The following NEURL1B variants were observed in gnomAD, a reference collection of about 807,000 sequenced individuals.
NEURL1B encodes E3 ubiquitin-protein ligase NEURL1B.
NEURL1B carries 13 observed loss-of-function variants against 37.4 expected under a neutral mutation model. The observed-to-expected ratio is 0.35, with a 90% CI of 0.23 to 0.55. The LOEUF (loss-of-function observed/expected upper bound fraction) is 0.55. NEURL1B is among the 20% of genes least tolerant of loss of function. The pLI, the probability that NEURL1B is intolerant of heterozygous loss-of-function variation, is 0.89. For synonymous variants in NEURL1B, 432 were observed against 426.6 expected (o/e 1.01, Z -0.16); for missense variants, 790 against 879.2 (o/e 0.90, Z 1.28).
At position 172,687,633 on chromosome 5, in the gene NEURL1B, G is replaced by C. The variant is rs1222058117; in HGVS notation, c.*708G>C. 6.6e-6 allele frequency: 1 copy of C among 152,242 alleles called. No homozygotes were observed. The highest frequency in any genetic ancestry group is 2.4e-5 in the African/African-American group (1 of 41,380). 9.4% of individuals were successfully genotyped at this position (152,242 alleles called of 1,614,324 possible). On this transcript the variant is annotated 3_prime_UTR_variant, in exon 5 of 5. Coordinates refer to ENST00000369800, the MANE Select transcript of NEURL1B (RefSeq NM_001142651.3). ...TAGAGCTGGGTGTGATGGGCACCGA[G>C]GCCAACCCCTCTGGATTGTGTCATC...
At chr5:172,643,281 G>A (rs548799125) in intron 1 of NEURL1B, among the ~76,000 whole-genome samples, 23 of 152,328 alleles carry the variant, frequency 1.5e-4, no homozygotes, top group Middle Eastern at 3.4e-3. Flanking sequence ...TCGGGTGGCA[G>A]ATGCCAAGAA....
At chr5:172,653,006 A>C (rs1405189602) in intron 1 of NEURL1B, among the ~76,000 whole-genome samples, 1 of 152,154 alleles carries the variant, frequency 6.6e-6, no homozygotes, top group African/African-American at 2.4e-5. Flanking sequence ...GGTGGTTAGC[A>C]GCACAAGGTA....
At position 172,641,364 on chromosome 5, in the gene NEURL1B, G is replaced by A. The variant is rs1446355658; in HGVS notation, c.-43G>A. 2.2e-6 allele frequency: 3 copies of A among 1,380,516 alleles called. No individual in the cohort carries two copies. The East Asian group carries it at 9.2e-5, about 42-fold the overall frequency. 85.5% of individuals were successfully genotyped at this position (1,380,516 alleles called of 1,614,324 possible). On this transcript the variant is annotated 5_prime_UTR_variant, in exon 1 of 5. Transcript: ENST00000369800. This position sits in a 1 kb window ranked among gnomAD's most constrained non-coding sequence, Gnocchi z 6.4. Reference sequence around the variant, plus strand: ...GGCCCGCCGCGTAATTAGCCTCCGCGCGCCCAGAGCGCGCCGCCGCCAACG... The same window carrying A: ...GGCCCGCCGCGTAATTAGCCTCCGCACGCCCAGAGCGCGCCGCCGCCAACG...
intron 1 of NEURL1B, among the ~76,000 whole-genome samples, chr5:172,668,336 G>C (rs1157574903): frequency 1.3e-5 from 2 of 152,068 alleles, no homozygotes; most frequent in Non-Finnish European, 2.9e-5. Flanking sequence ...TGGAACCTTG[G>C]CTTTTTTATT....
In NEURL1B at chr5:172,665,404, C is replaced by T. The variant is rs1461592271; in HGVS notation, c.32-4381C>T. Among the ~76,000 whole-genome samples the T allele has an allele frequency of 1.3e-5, 2 of 152,210 alleles. No individual in the cohort carries two copies. Among genetic ancestry groups the T allele is most frequent in the African/African-American group, 2.4e-5 (1 of 41,456 alleles). On this transcript the variant is annotated intron_variant, in intron 1 of 4. Transcript: ENST00000369800. The surrounding 1 kb of genome is among the most constrained non-coding windows in gnomAD (Gnocchi z 4.1). ...GGGATTTGTCCATTCCTCTTAACCT[C>T]GTGGTTCTAGAGATGGCCCACAGCC...
chr5:172,685,462 G>A (rs572073620), intron 3 of NEURL1B, among the ~76,000 whole-genome samples: 25 of 152,318 alleles, frequency 1.6e-4, no homozygotes, highest in African/African-American at 6.0e-4. Context: ...TTCATCCTAA[G>A]AAACAAGCTG....
intron 1 of NEURL1B, among the ~76,000 whole-genome samples, chr5:172,663,174 A>G (rs567140224): frequency 1.3e-5 from 2 of 151,502 alleles, no homozygotes; most frequent in South Asian, 4.2e-4. Context: ...TGATCATGCC[A>G]CTGTACTCAG....
Position 172,680,590 on chromosome 5 carries a change from C to CT in NEURL1B, c.578-2823dup, listed in dbSNP as rs968799316. Among the ~76,000 whole-genome samples, 20 of 152,226 alleles carry CT rather than the reference C, an allele frequency of 1.3e-4. No homozygotes were observed. In the East Asian group the frequency reaches 3.1e-3, roughly 23 times the overall value. ...TTTTATTCTACCTTTATTTATATGC[C>CT]TTTTTTCTGATTATAAAAATCAATT... On this transcript the variant is annotated intron_variant, in intron 2 of 4. Coordinates refer to ENST00000369800, the MANE Select transcript of NEURL1B (RefSeq NM_001142651.3).
chr5:172,641,575 G>C lies in NEURL1B; in HGVS notation c.31+138G>C. On this transcript the variant is annotated intron_variant, in intron 1 of 4. Transcript: ENST00000369800. This position sits in a 1 kb window ranked among gnomAD's most constrained non-coding sequence, Gnocchi z 6.4. ...CGGGCTGGAGTCTCCGGTACCTCCCGGACCTCAGCTCGGCGCGCGCCCCGC... is the reference window on the plus strand; with the variant it reads ...CGGGCTGGAGTCTCCGGTACCTCCCCGACCTCAGCTCGGCGCGCGCCCCGC... The C allele has an allele frequency of 1.4e-6, 1 of 714,094 alleles. No homozygotes were observed. The highest frequency in any genetic ancestry group is 1.9e-6 in the Non-Finnish European group (1 of 516,712). 44.2% of individuals were successfully genotyped at this position (714,094 alleles called of 1,614,324 possible). A position where few individuals can be genotyped will look rare whatever the true frequency, so the allele number is the denominator to read the frequency against.
chr5:172,684,075 A>T lies in NEURL1B; in HGVS notation c.1234A>T (p.Thr412Ser). 7.6e-7 allele frequency: 1 copy of T among 1,315,184 alleles called. No individual in the cohort carries two copies. The allele number at this position is 1,315,184 out of a possible 1,614,324, so 81.5% of individuals were successfully genotyped here. A position where few individuals can be genotyped will look rare whatever the true frequency, so the allele number is the denominator to read the frequency against. ...PRGRLLCVDT[T>S]QALWAFFAVR... is the part of the protein sequence containing the mutation. ...CGGCCGCCTGCTGTGCGTCGACACC[A>T]CGCAGGCGCTCTGGGCCTTCTTCGC... The change falls in exon 3 of 5, where the codon ACG becomes TCG. Residue 412 changes from threonine (T) to serine (S), a missense_variant. By Grantham distance (58) the Thr-to-Ser change is moderately conservative. Around this residue, in one of 3 missense-constraint regions of NEURL1B, gnomAD observed 460 missense variants for 407.4 expected, o/e 1.13. Transcript: ENST00000369800.
chr5:172,690,381 G>C lies in NEURL1B; in HGVS notation c.*3456G>C, dbSNP rs1282793868. On this transcript the variant is annotated 3_prime_UTR_variant, in exon 5 of 5. Transcript: ENST00000369800. ...AGGGTGAACTTTTCTCTGACCCCCG[G>C]TGCTGGTCCTGTGCCAGCACGTAGT... 6.6e-5 allele frequency: 10 copies of C among 152,196 alleles called. No homozygotes were observed. The allele number at this position is 152,196 out of a possible 1,614,324, so 9.4% of individuals were successfully genotyped here. A position where few individuals can be genotyped will look rare whatever the true frequency, so the allele number is the denominator to read the frequency against.
At chr5:172,682,495 G>C (rs1758374561) in intron 2 of NEURL1B, among the ~76,000 whole-genome samples, 1 of 152,156 alleles carries the variant, frequency 6.6e-6, no homozygotes, top group African/African-American at 2.4e-5. Context: ...AGAATCACTT[G>C]AACCCAGGAG....
At chr5:172,643,111 A>G (rs995505638) in intron 1 of NEURL1B, among the ~76,000 whole-genome samples, 4 of 151,304 alleles carry the variant, frequency 2.6e-5, no homozygotes. Flanking sequence ...ATCCCTCTCA[A>G]CTCTCTCTCT....
chr5:172,667,082 A>G (rs964570329), intron 1 of NEURL1B, among the ~76,000 whole-genome samples: 3 of 151,872 alleles, frequency 2.0e-5, no homozygotes, highest in African/African-American at 4.8e-5. Context: ...AGGATCTACT[A>G]CTGGTATCTC....
chr5:172,649,270 G>A (rs867768939), intron 1 of NEURL1B, among the ~76,000 whole-genome samples: 7 of 150,312 alleles, frequency 4.7e-5, no homozygotes, highest in African/African-American at 1.7e-4. Context: ...CCACGAAGAC[G>A]CCTTTTGACC....
At chr5:172,650,289 C>A (rs1757637710) in intron 1 of NEURL1B, among the ~76,000 whole-genome samples, 1 of 152,184 alleles carries the variant, frequency 6.6e-6, no homozygotes, top group African/African-American at 2.4e-5. Flanking sequence ...AAGTTTGGTC[C>A]ATTCAAGGGC....
At chr5:172,684,699 C>T (rs974249272) in intron 3 of NEURL1B, among the ~76,000 whole-genome samples, 5 of 152,178 alleles carry the variant, frequency 3.3e-5, no homozygotes, top group Non-Finnish European at 5.9e-5. Flanking sequence ...CACAAATAGG[C>T]AGGAGCAGCC....
chr5:172,643,554 G>C (rs1357983514), intron 1 of NEURL1B, among the ~76,000 whole-genome samples: 1 of 152,138 alleles, frequency 6.6e-6, no homozygotes, highest in Non-Finnish European at 1.5e-5. Flanking sequence ...CATTGTCACT[G>C]CCTGTCTCTG....
intron 2 of NEURL1B, among the ~76,000 whole-genome samples, chr5:172,674,688 C>T (rs546490024): frequency 6.6e-6 from 1 of 152,060 alleles, no homozygotes; most frequent in Non-Finnish European, 1.5e-5. Flanking sequence ...GTGTACATTG[C>T]CCCTTCCTTC....
Sources: gnomAD v4.1 joint callset for allele counts (sites outside exome capture counted in the v4.1 genomes callset) on GRCh38, gnomAD v4.1.1 for gene constraint, gnomAD v4.1.1 regional missense constraint, Gnocchi (gnomAD v3.1) non-coding constraint, MANE v1.5 for transcripts, NCBI Gene and HGNC (gene_info 2026-07-23, HGNC 2026-07-21) for gene names.